ARHGEF10L: variants seen among roughly 807,000 people sequenced by gnomAD.
ARHGEF10L encodes the protein Rho guanine nucleotide exchange factor 10 like, also known as rho guanine nucleotide exchange factor 10-like protein.
Under a neutral mutation model 141.2 loss-of-function variants are expected in ARHGEF10L, and 69 were observed. The observed-to-expected ratio is 0.49, with a 90% CI of 0.40 to 0.60. The LOEUF (loss-of-function observed/expected upper bound fraction) is 0.60. ARHGEF10L is among the 20% of genes least tolerant of loss of function. The pLI is 0.00. For missense variants in ARHGEF10L, 1,482 were observed against 1,734.3 expected (o/e 0.85, Z 2.58); for synonymous variants, 711 against 718.5 (o/e 0.99, Z 0.17).
intron 18 of ARHGEF10L, 28 bp from the exon 19 acceptor site, chr1:17,637,860 T>G: frequency 6.4e-7 from 1 of 1,553,412 alleles, no homozygotes; most frequent in Non-Finnish European, 8.7e-7. Flanking sequence ...CCTTCACCTG[T>G]GCCTGAGTTG....
intron 25 of ARHGEF10L, among the ~76,000 whole-genome samples, chr1:17,658,866 G>A (rs1316051418): frequency 6.6e-6 from 1 of 152,172 alleles, no homozygotes; most frequent in African/African-American, 2.4e-5. Context: ...GGATCCTGGG[G>A]CTGAGATCTT....
chr1:17,631,008 G>A (rs1402461065), intron 15 of ARHGEF10L, among the ~76,000 whole-genome samples: 1 of 149,596 alleles, frequency 6.7e-6, no homozygotes, highest in African/African-American at 2.5e-5. Flanking sequence ...TTTCTGTCCT[G>A]GGGATGCCCG....
chr1:17,526,687 T>C, the ARHGEF10L span, among the ~76,000 whole-genome samples: 1 of 152,134 alleles, frequency 6.6e-6, no homozygotes, highest in African/African-American at 2.4e-5. Context: ...GCAGATTGCT[T>C]GAGCCCAGGA....
intron 15 of ARHGEF10L, among the ~76,000 whole-genome samples, chr1:17,632,119 C>T (rs761910520): frequency 8.5e-5 from 13 of 152,158 alleles, no homozygotes; most frequent in Admixed American, 2.6e-4. Context: ...CCATGGCCTC[C>T]GAGAGGAGGC....
intron 4 of ARHGEF10L, among the ~76,000 whole-genome samples, chr1:17,592,473 A>G: frequency 6.6e-6 from 1 of 152,092 alleles, no homozygotes; most frequent in East Asian, 1.9e-4. Flanking sequence ...GTGATGGGGC[A>G]GCCGTATTCT....
intron 22 of ARHGEF10L, among the ~76,000 whole-genome samples, chr1:17,650,732 C>CAAAAAAAA (rs71575854): frequency 1.3e-5 from 1 of 77,906 alleles, no homozygotes; most frequent in African/African-American, 5.1e-5. Flanking sequence ...GACCCTGTCT[C>CAAAAAAAA]AAAAAAAAAA....
the ARHGEF10L span, among the ~76,000 whole-genome samples, chr1:17,527,085 A>G: frequency 3.3e-5 from 5 of 152,148 alleles, no homozygotes; most frequent in African/African-American, 1.2e-4. Context: ...TCTGGAAACT[A>G]CAAAACTGGG....
In ARHGEF10L at chr1:17,656,611, C is replaced by T. The variant is rs199842710; in HGVS notation, c.2763C>T (p.Ser921=). 5.1e-4 allele frequency: 816 copies of T among 1,613,566 alleles called. 6 individuals carry two copies. The highest frequency in any genetic ancestry group is 4.6e-3 in the South Asian group (421 of 91,074). Residue 921 remains serine, a synonymous_variant, in exon 25 of 29, where the codon AGC becomes AGT. Transcript: ENST00000361221. The surrounding 1 kb of genome is among the most constrained non-coding windows in gnomAD (Gnocchi z 4.9). ...TGTQCLVSCR[S]PGLQPVLCLR... ...CCCAGTGCCTGGTGAGCTGCAGGAG[C>T]CCAGGTCTGCAGCCTGTGCTCTGCC...
intron 26 of ARHGEF10L, among the ~76,000 whole-genome samples, chr1:17,667,444 G>A (rs1272951763): frequency 1.3e-5 from 2 of 152,232 alleles, no homozygotes; most frequent in African/African-American, 4.8e-5. Flanking sequence ...ATTGGGGGGA[G>A]TGGGGCCCGA....
intron 22 of ARHGEF10L, among the ~76,000 whole-genome samples, chr1:17,652,060 G>A (rs1049404887): frequency 6.6e-6 from 1 of 152,246 alleles, no homozygotes; most frequent in Admixed American, 6.5e-5. Context: ...GTGGTCCTGG[G>A]GCAGGGGGTG....
At chr1:17,612,951 A>G (rs2059623990) in intron 7 of ARHGEF10L, 107 bp from the exon 8 acceptor site, 1 of 766,454 alleles carries the variant, frequency 1.3e-6, no homozygotes, top group Admixed American at 2.0e-5. Context: ...GTCCGTCCGC[A>G]CTTTACCTGA....
chr1:17,632,295 G>T, intron 15 of ARHGEF10L, 26 bp from the exon 16 acceptor site: 1 of 1,612,470 alleles, frequency 6.2e-7, no homozygotes. Context: ...CGATGCTGAT[G>T]CTGACCTTCC....
chr1:17,654,839 T>A lies in ARHGEF10L; in HGVS notation c.2481+117T>A. On this transcript the variant is annotated intron_variant, in intron 23 of 28. Coordinates refer to ENST00000361221, the MANE Select transcript of ARHGEF10L (RefSeq NM_018125.4). This position sits in a 1 kb window ranked among gnomAD's most constrained non-coding sequence, Gnocchi z 4.3. ...GCCTGCCTCATCTCATGCAGCTTCA[T>A]CCACCAAGGTCTTCCTGGGCACCTC... 1 of 972,392 alleles carries A rather than the reference T, an allele frequency of 1.0e-6. No homozygotes were observed. The highest frequency in any genetic ancestry group is 1.6e-6 in the Non-Finnish European group (1 of 616,948). The allele number at this position is 972,392 out of a possible 1,614,324, so 60.2% of individuals were successfully genotyped here.
intron 26 of ARHGEF10L, among the ~76,000 whole-genome samples, chr1:17,686,130 C>T (rs2064573475): frequency 6.7e-6 from 1 of 148,170 alleles, no homozygotes; most frequent in African/African-American, 2.5e-5. Flanking sequence ...TTTTCTGTAG[C>T]ATTCACATTT....
rs370689439 is a variant in ARHGEF10L at position 17,624,410 on chromosome 1, T to G, written c.1224T>G (p.Asp408Glu). Residue 408 changes from aspartate (D) to glutamate (E), a missense_variant, in exon 13 of 29, where the codon GAT becomes GAG. By Grantham distance (45) the Asp-to-Glu change is conservative. Around this residue, in one of 3 missense-constraint regions of ARHGEF10L, gnomAD observed 392 missense variants for 542.1 expected, o/e 0.72. Coordinates refer to ENST00000361221, the MANE Select transcript of ARHGEF10L (RefSeq NM_018125.4). ...AGTTTTCCAAGTCCATGGTGCTAGA[T>G]GTGTACAGTGACTACGTGAACAACT... is the stretch of plus-strand genomic sequence containing the variant. ...VASFSKSMVL[D>E]VYSDYVNNFT... 1.3e-5 allele frequency: 21 copies of G among 1,614,070 alleles called. No homozygotes were observed. In the African/African-American group the frequency reaches 2.8e-4, roughly 22 times the overall value.
chr1:17,630,445 A>G (rs1032724817), intron 15 of ARHGEF10L, among the ~76,000 whole-genome samples: 11 of 152,162 alleles, frequency 7.2e-5, no homozygotes, highest in Admixed American at 5.9e-4. Flanking sequence ...AGGTCCGAGT[A>G]GTGGTCTCTT....
chr1:17,686,806 A>G (rs572878123), intron 26 of ARHGEF10L, among the ~76,000 whole-genome samples: 2 of 152,100 alleles, frequency 1.3e-5, no homozygotes, highest in Non-Finnish European at 2.9e-5. Flanking sequence ...TCTTTTTTAA[A>G]AAAGTTTTTA....
chr1:17,696,882 G>C lies in ARHGEF10L; in HGVS notation c.3342G>C (p.Gly1114=), dbSNP rs2065544033. 1.9e-6 allele frequency: 3 copies of C among 1,593,738 alleles called. No homozygotes were observed. The highest frequency in any genetic ancestry group is 2.6e-6 in the Non-Finnish European group (3 of 1,169,346). ...TGGTCTCACTCAACGGGCACTGTGGGCCTGTGGCCTTCCTGGCTGTGGCTA... is the reference window on the plus strand; with the variant it reads ...TGGTCTCACTCAACGGGCACTGTGGCCCTGTGGCCTTCCTGGCTGTGGCTA... ...KGMVSLNGHC[G]PVAFLAVATS... is the part of the protein sequence containing the mutation. The change falls in exon 29 of 29, where the codon GGG becomes GGC. Residue 1114 remains glycine (G), a synonymous_variant. Coordinates refer to ENST00000361221, the MANE Select transcript of ARHGEF10L (RefSeq NM_018125.4).
At chr1:17,608,930 T>C (rs904937844) in intron 7 of ARHGEF10L, among the ~76,000 whole-genome samples, 2 of 152,138 alleles carry the variant, frequency 1.3e-5, no homozygotes, top group African/African-American at 2.4e-5. Flanking sequence ...ATTACAGGCG[T>C]GCACCATCAT....
Sources: gnomAD v4.1 joint callset for allele counts (sites outside exome capture counted in the v4.1 genomes callset) on GRCh38, gnomAD v4.1.1 for gene constraint, gnomAD v4.1.1 regional missense constraint, Gnocchi (gnomAD v3.1) non-coding constraint, MANE v1.5 for transcripts, NCBI Gene and HGNC (gene_info 2026-07-23, HGNC 2026-07-21) for gene names.